Variants in NEIL2 observed in about 807,000 individuals in gnomAD.
NEIL2 encodes nei like DNA glycosylase 2, also known as endonuclease 8-like 2.
NEIL2 carries 23 observed loss-of-function variants against 22.2 expected under a neutral mutation model. The ratio of observed to expected loss-of-function variants is 1.04; its 90% CI spans 0.75 to 1.47. The LOEUF (loss-of-function observed/expected upper bound fraction) is 1.47. Ranked by LOEUF, NEIL2 falls within the 40% of genes most tolerant of loss-of-function variation. The pLI is 0.00. For synonymous variants in NEIL2, 229 were observed against 164.8 expected (o/e 1.39, Z -2.99); for missense variants, 583 against 404.7 (o/e 1.44, Z -3.78).
rs778060356 is a variant in NEIL2, at chr8:11,786,026, T to C, written c.752T>C (p.Val251Ala). 2.2e-5 allele frequency: 36 copies of C among 1,614,034 alleles called. No homozygotes were observed. Among genetic ancestry groups the C allele is most frequent in the Non-Finnish European group, 5.9e-6 (7 of 1,180,022 alleles). Reference sequence around the variant, plus strand: ...ATCCATCCCCTTTCTCTCGGTTCAGTCCTGAGTGCCTCGCGTCGGGAGGTC... The same window carrying C: ...ATCCATCCCCTTTCTCTCGGTTCAGCCCTGAGTGCCTCGCGTCGGGAGGTC... ...AGIHPLSLGS[V>A]LSASRREVLV... The change falls in exon 5 of 5, where the codon GTC (valine) becomes GCC (alanine). Residue 251 changes from valine to alanine, a missense_variant. Transcript: ENST00000284503.
At chr8:11,776,020 G>GC (rs1803877183) in intron 2 of NEIL2, among the ~76,000 whole-genome samples, 1 of 152,182 alleles carries the variant, frequency 6.6e-6, no homozygotes, top group Non-Finnish European at 1.5e-5. Flanking sequence ...TGTCTTTACA[G>GC]CAATGCCCCC....
intron 1 of NEIL2, 51 bp from the exon 2 acceptor site, chr8:11,771,395 A>G (rs1563248101): frequency 6.2e-7 from 1 of 1,609,102 alleles, no homozygotes; most frequent in Non-Finnish European, 8.5e-7. Context: ...TAAAGATGCT[A>G]GAGATAAATG....
intron 2 of NEIL2, among the ~76,000 whole-genome samples, chr8:11,774,435 G>A (rs1803737347): frequency 6.6e-6 from 1 of 152,098 alleles, no homozygotes; most frequent in African/African-American, 2.4e-5. Context: ...CACGAGAACA[G>A]CCCCCATGAT....
intron 2 of NEIL2, among the ~76,000 whole-genome samples, chr8:11,773,771 T>C (rs1364347697): frequency 2.0e-5 from 3 of 152,100 alleles, no homozygotes; most frequent in African/African-American, 4.8e-5. Flanking sequence ...TCTTGTCAGC[T>C]CTCCATTTTC....
intron 3 of NEIL2, among the ~76,000 whole-genome samples, chr8:11,782,362 T>G (rs939241395): frequency 1.4e-4 from 22 of 152,228 alleles, no homozygotes; most frequent in African/African-American, 4.1e-4. Flanking sequence ...GAGGAAGAGA[T>G]TGCAGTGAGC....
intron 2 of NEIL2, among the ~76,000 whole-genome samples, chr8:11,772,303 C>T (rs1217716221): frequency 6.6e-6 from 1 of 152,306 alleles, no homozygotes; most frequent in East Asian, 1.9e-4. Flanking sequence ...CCACTGCCTC[C>T]CTCTCTAGCC....
chr8:11,778,943 GAAAAAAAAAAA>G (rs57173797), intron 2 of NEIL2, among the ~76,000 whole-genome samples: 2 of 44,504 alleles, frequency 4.5e-5, no homozygotes, highest in African/African-American at 1.8e-4. Flanking sequence ...GACTCCATCT[GAAAAAAAAAAA>G]AAAAAAAAAA....
chr8:11,772,829 A>G (rs1231284697), intron 2 of NEIL2, among the ~76,000 whole-genome samples: 1 of 152,112 alleles, frequency 6.6e-6, no homozygotes, highest in African/African-American at 2.4e-5. Flanking sequence ...TTGACCTCTT[A>G]AAGTTGTTGT....
intron 2 of NEIL2, among the ~76,000 whole-genome samples, chr8:11,779,242 G>A (rs754976933): frequency 1.3e-5 from 2 of 152,148 alleles, no homozygotes; most frequent in African/African-American, 4.8e-5. Context: ...CTTATTTCTG[G>A]CATAGAAAAT....
At chr8:11,782,770 T>C in intron 3 of NEIL2, 1 of 277,370 alleles carries the variant, frequency 3.6e-6, no homozygotes, top group Non-Finnish European at 7.0e-6. Flanking sequence ...CTGACTACGT[T>C]GTGGTAACGA....
chr8:11,782,858 G>T (rs370435754), intron 3 of NEIL2: 2 of 374,410 alleles, frequency 5.3e-6, no homozygotes, highest in African/African-American at 4.3e-5. Context: ...GGGGATGTGT[G>T]TATGTGTGTA....
intron 2 of NEIL2, 130 bp downstream of exon 2, chr8:11,771,715 C>T (rs932842409): frequency 1.0e-5 from 9 of 897,314 alleles, no homozygotes; most frequent in African/African-American, 8.2e-5. Flanking sequence ...CCATGCAGCT[C>T]CCTCTTTCAG....
At chr8:11,784,534 C>G (rs137951370) in intron 4 of NEIL2, among the ~76,000 whole-genome samples, 88 of 152,306 alleles carry the variant, frequency 5.8e-4, no homozygotes, top group African/African-American at 2.1e-3. Flanking sequence ...AGGAGTGTGA[C>G]TATGAGGCTC....
chr8:11,779,351 C>T (rs1262880950), intron 2 of NEIL2, among the ~76,000 whole-genome samples: 1 of 152,190 alleles, frequency 6.6e-6, no homozygotes, highest in Admixed American at 6.5e-5. Context: ...CCAGGGTGGC[C>T]TTGCCATCTT....
chr8:11,780,018 G>T (rs979328919), intron 3 of NEIL2, 68 bp downstream of exon 3: 2 of 1,389,968 alleles, frequency 1.4e-6, no homozygotes, highest in South Asian at 1.2e-5. Flanking sequence ...TGGGGTTTGG[G>T]ACTTCAGCAG....
At chr8:11,784,335 C>G (rs1585785704) in intron 4 of NEIL2, among the ~76,000 whole-genome samples, 1 of 152,202 alleles carries the variant, frequency 6.6e-6, no homozygotes, top group Non-Finnish European at 1.5e-5. Flanking sequence ...CCAGTGTTTT[C>G]CAAGCAGCTC....
At position 11,786,598 on chromosome 8, in the gene NEIL2, G is replaced by T. The variant is rs1804979050; in HGVS notation, c.*325G>T. ...AAGAAAGCCTATGGGAAATGGCTGT[G>T]CTCCCAACATAGCTTTGCAGATGAT... On this transcript the variant is annotated 3_prime_UTR_variant, in exon 5 of 5. Coordinates refer to ENST00000284503, the MANE Select transcript of NEIL2 (RefSeq NM_145043.4). 1 of 387,084 alleles carries T rather than the reference G, an allele frequency of 2.6e-6. No individual in the cohort carries two copies. The highest frequency in any genetic ancestry group is 2.1e-5 in the African/African-American group (1 of 48,170). 24.0% of individuals were successfully genotyped at this position (387,084 alleles called of 1,614,324 possible).
rs8191660 is a variant in NEIL2 at position 11,785,501 on chromosome 8, A to G, written c.689-462A>G. On this transcript the variant is annotated intron_variant, in intron 4 of 4. Coordinates refer to ENST00000284503, the MANE Select transcript of NEIL2 (RefSeq NM_145043.4). ...ATGCGCCAGGCCAACATTTTAAATA[A>G]TAACAACAGTTAATACTTATTGAGT... Among the ~76,000 whole-genome samples, 41 of 152,322 alleles carry G rather than the reference A, an allele frequency of 2.7e-4. No individual in the cohort carries two copies. In the South Asian group the frequency reaches 8.5e-3, roughly 32 times the overall value.
Position 11,786,008 on chromosome 8 carries a change from C to T in NEIL2, c.734C>T (p.Pro245Leu), listed in dbSNP as rs1199384098. Residue 245 changes from proline (P) to leucine (L), a missense_variant, in exon 5 of 5, where the codon CCC (proline) becomes CTC (leucine). Physicochemically the swap from Pro to Leu is moderately conservative, Grantham distance 98 (BLOSUM62 -3). Transcript: ENST00000284503. ...NEALYRAGIH[P>L]LSLGSVLSAS... Reference sequence around the variant, plus strand: ...GCCTTGTACAGAGCTGGGATCCATCCCCTTTCTCTCGGTTCAGTCCTGAGT... The same window carrying T: ...GCCTTGTACAGAGCTGGGATCCATCTCCTTTCTCTCGGTTCAGTCCTGAGT... 1 of 1,614,014 alleles carries T rather than the reference C, an allele frequency of 6.2e-7. No homozygotes were observed. The highest frequency in any genetic ancestry group is 1.3e-5 in the African/African-American group (1 of 74,896).
Sources: allele counts gnomAD v4.1 joint callset (sites outside exome capture counted in the v4.1 genomes callset), GRCh38; gene constraint gnomAD v4.1.1; transcripts MANE v1.5; gene names NCBI Gene and HGNC (gene_info 2026-07-23, HGNC 2026-07-21).